PSTPIP2: variants seen among roughly 807,000 people sequenced by gnomAD.
The protein encoded by PSTPIP2 is proline-serine-threonine phosphatase-interacting protein 2.
PSTPIP2 carries 33 observed loss-of-function variants against 63.3 expected under a neutral mutation model. The observed-to-expected ratio is 0.52, with a 90% CI of 0.40 to 0.70. PSTPIP2 has a LOEUF of 0.70. PSTPIP2 is among the 30% of genes least tolerant of loss of function. PSTPIP2 has a pLI of 0.00. For synonymous variants in PSTPIP2, 125 were observed against 132.7 expected (o/e 0.94, Z 0.40); for missense variants, 312 against 400.7 (o/e 0.78, Z 1.89).
intron 3 of PSTPIP2, among the ~76,000 whole-genome samples, chr18:46,017,528 C>T (rs1047302311): frequency 5.3e-5 from 8 of 152,004 alleles, no homozygotes; most frequent in Non-Finnish European, 1.0e-4. Context: ...CAGCATTGAC[C>T]TTCTCATCCT....
rs757294561 is a variant in PSTPIP2 at position 46,072,166 on chromosome 18, C to T, written c.23G>A (p.Gly8Glu). MTRSLFK[G>E]NFWSADILST... ...GGCCCCACGACTTACCCAAAAGTTT[C>T]CCTTGAACAGTGAGCGCGTCATCGC... The change falls in exon 1 of 15, where the codon GGA becomes GAA. Residue 8 changes from glycine to glutamate, a missense_variant. Gly to Glu is a moderately conservative substitution (Grantham distance 98). Coordinates refer to ENST00000409746, the MANE Select transcript of PSTPIP2 (RefSeq NM_024430.4). 9.8e-6 allele frequency: 15 copies of T among 1,536,008 alleles called. No individual in the cohort carries two copies. The highest frequency in any genetic ancestry group is 2.6e-6 in the Non-Finnish European group (3 of 1,141,478).
intron 4 of PSTPIP2, among the ~76,000 whole-genome samples, chr18:46,012,360 A>G (rs1053339079): frequency 2.0e-5 from 3 of 152,232 alleles, no homozygotes. Context: ...GCAGATCTAT[A>G]TGAATTGAAA....
intron 1 of PSTPIP2, among the ~76,000 whole-genome samples, chr18:46,049,253 G>A (rs932592885): frequency 6.6e-6 from 1 of 151,992 alleles, no homozygotes; most frequent in South Asian, 2.1e-4. Flanking sequence ...AAGTGGGAGC[G>A]AAATGATGAG....
chr18:46,057,392 G>C (rs1269540249), intron 1 of PSTPIP2, among the ~76,000 whole-genome samples: 1 of 151,354 alleles, frequency 6.6e-6, no homozygotes, highest in Non-Finnish European at 1.5e-5. Flanking sequence ...CAATGGCGCA[G>C]TCTCAGCTCA....
At chr18:46,029,751 G>T in intron 2 of PSTPIP2, 1 of 594,748 alleles carries the variant, frequency 1.7e-6, no homozygotes. Flanking sequence ...TCATTAAAAA[G>T]AAAACTATTT....
intron 6 of PSTPIP2, 84 bp downstream of exon 6, chr18:46,005,385 T>G (rs1054969535): frequency 1.8e-6 from 2 of 1,110,344 alleles, no homozygotes; most frequent in Non-Finnish European, 2.6e-6. Flanking sequence ...GAAATGTTAT[T>G]TGAGTAGGAA....
intron 13 of PSTPIP2, among the ~76,000 whole-genome samples, chr18:45,989,168 G>A (rs1302446979): frequency 2.0e-5 from 3 of 152,106 alleles, no homozygotes; most frequent in Non-Finnish European, 4.4e-5. Context: ...GTTAAGTGCA[G>A]CATAAACTGT....
intron 10 of PSTPIP2, 78 bp from the exon 11 acceptor site, chr18:45,992,280 A>T (rs1202633459): frequency 1.6e-5 from 21 of 1,276,174 alleles, no homozygotes; most frequent in Non-Finnish European, 2.1e-5. Flanking sequence ...CATGGGTTTG[A>T]GGCGGGGCGC....
chr18:46,041,259 C>A (rs982370001), intron 1 of PSTPIP2, among the ~76,000 whole-genome samples: 4 of 151,980 alleles, frequency 2.6e-5, no homozygotes, highest in African/African-American at 7.3e-5. Context: ...TTGTTTTGTT[C>A]TGTTTTGATA....
intron 2 of PSTPIP2, chr18:46,029,575 G>A (rs553182424): frequency 5.2e-5 from 41 of 784,752 alleles, no homozygotes; most frequent in Admixed American, 1.5e-4. Flanking sequence ...TTCTTGTCTC[G>A]AAGGAACAAA....
intron 3 of PSTPIP2, chr18:46,016,140 T>C (rs931373459): frequency 1.7e-6 from 1 of 582,758 alleles, no homozygotes. Flanking sequence ...AATTCTTCAC[T>C]GTTCATTTGG....
At chr18:46,058,305 C>G (rs147318730) in intron 1 of PSTPIP2, among the ~76,000 whole-genome samples, 1,532 of 152,078 alleles carry the variant, frequency 0.01, 14 homozygotes, top group Middle Eastern at 0.088. Flanking sequence ...CCATATACAT[C>G]TGTATTGTTT....
chr18:46,069,027 C>G (rs796423683), intron 1 of PSTPIP2, among the ~76,000 whole-genome samples: 5 of 152,266 alleles, frequency 3.3e-5, no homozygotes, highest in African/African-American at 1.2e-4. Context: ...GTTGCTGAAA[C>G]AGCAACTAGG....
At chr18:46,058,505 C>T (rs144801553) in intron 1 of PSTPIP2, among the ~76,000 whole-genome samples, 1,955 of 151,992 alleles carry the variant, frequency 0.013, 39 homozygotes, top group African/African-American at 0.045. Flanking sequence ...TACAGGGGTG[C>T]GCCACCACAC....
intron 4 of PSTPIP2, among the ~76,000 whole-genome samples, chr18:46,012,746 C>G (rs2051813259): frequency 6.6e-6 from 1 of 152,140 alleles, no homozygotes; most frequent in Non-Finnish European, 1.5e-5. Context: ...GCACTTCAGC[C>G]TGGCAACAGA....
chr18:46,018,571 G>A (rs983123381), intron 3 of PSTPIP2, among the ~76,000 whole-genome samples: 1 of 152,128 alleles, frequency 6.6e-6, no homozygotes, highest in Admixed American at 6.6e-5. Flanking sequence ...GTTTTTCCAT[G>A]TTGACCAGGC....
Position 45,988,719 on chromosome 18 carries a change from G to A in PSTPIP2, c.996C>T (p.Leu332=), listed in dbSNP as rs753148853. ...NYSLVDDYSL[L]YQ ...GTTCTTACCATTGATTTTACTGATA[G>A]AGCAAACTGTAGTCATCAACCAAAG... The change falls in exon 14 of 15, where the codon CTC becomes CTT. Residue 332 remains leucine (L), a synonymous_variant. Coordinates refer to ENST00000409746, the MANE Select transcript of PSTPIP2 (RefSeq NM_024430.4). 35 of 1,560,192 alleles carry A rather than the reference G, an allele frequency of 2.2e-5. No homozygotes were observed. Among genetic ancestry groups the A allele is most frequent in the Admixed American group, 1.3e-4 (8 of 59,912 alleles).
At chr18:46,009,363 A>T (rs1024189827) in intron 5 of PSTPIP2, among the ~76,000 whole-genome samples, 8 of 37,004 alleles carry the variant, frequency 2.2e-4, no homozygotes, top group South Asian at 1.1e-3. Flanking sequence ...TTTATGGTGT[A>T]AAAAAAAAAA....
In PSTPIP2 at chr18:46,009,380, AAAAAAAAAAAAC is replaced by A. The variant is rs1276634348; in HGVS notation, c.354+1789_354+1800del. ...TATGGTGTAAAAAAAAAAAAAAAAA[AAAAAAAAAAAAC>A]CTAGCTAAATACGGAAGTGGTAAAA... On this transcript the variant is annotated intron_variant, in intron 5 of 14. Coordinates refer to ENST00000409746, the MANE Select transcript of PSTPIP2 (RefSeq NM_024430.4). 4.0e-3 allele frequency among the ~76,000 whole-genome samples: 545 copies of A among 135,190 alleles called. 7 individuals are homozygous for A. The highest frequency in any genetic ancestry group is 6.3e-3 in the Non-Finnish European group (415 of 65,356). The allele number at this position is 135,190 out of a possible 152,430, so 88.7% of individuals were successfully genotyped here.
Sources: allele counts gnomAD v4.1 joint callset (sites outside exome capture counted in the v4.1 genomes callset), GRCh38; gene constraint gnomAD v4.1.1; transcripts MANE v1.5; gene names NCBI Gene and HGNC (gene_info 2026-07-23, HGNC 2026-07-21).